MACC1: variants seen among roughly 807,000 people sequenced by gnomAD.
MACC1 encodes the protein MET transcriptional regulator MACC1.
MACC1 carries 79 observed loss-of-function variants against 70.7 expected under a neutral mutation model. The observed-to-expected ratio is 1.12, with a 90% CI of 0.93 to 1.35. MACC1 has a LOEUF of 1.35. Ranked by LOEUF, MACC1 falls within the 40% of genes most tolerant of loss-of-function variation. MACC1 has a pLI of 0.00. For missense variants in MACC1, 1,106 were observed against 978.1 expected (o/e 1.13, Z -1.74); for synonymous variants, 361 against 347.2 (o/e 1.04, Z -0.44).
In MACC1 at chr7:20,158,726, A is replaced by G. The variant is rs755367513; in HGVS notation, c.1635T>C (p.Asp545=). 6.3e-5 allele frequency: 102 copies of G among 1,613,810 alleles called. No homozygotes were observed. The highest frequency in any genetic ancestry group is 8.2e-5 in the Non-Finnish European group (97 of 1,180,002). The change falls in exon 5 of 7, where the codon GAT becomes GAC. Residue 545 remains aspartate (D), a synonymous_variant. Coordinates refer to ENST00000400331, the MANE Select transcript of MACC1 (RefSeq NM_182762.4). The part of the protein sequence containing the change: ...KILVKYPTFQ[D]KTLNFSNYGV... The stretch of plus-strand genomic sequence containing the variant: ...CATAGTTGCTAAAGTTCAATGTTTT[A>G]TCTTGAAATGTAGGATATTTAACAA...
chr7:20,198,529 C>G (rs1311728418), intron 1 of MACC1: 1 of 152,202 alleles, frequency 6.6e-6, no homozygotes, highest in Non-Finnish European at 1.5e-5. Flanking sequence ...GCTTACCAGA[C>G]AAGTAAACAT....
chr7:20,151,578 G>A (rs1260500161), intron 6 of MACC1, among the ~76,000 whole-genome samples: 3 of 152,162 alleles, frequency 2.0e-5, no homozygotes, highest in Non-Finnish European at 2.9e-5. Context: ...AATTTAACTT[G>A]AGGAGATGGT....
At chr7:20,167,608 C>T (rs1166910618) in intron 2 of MACC1, among the ~76,000 whole-genome samples, 1 of 151,092 alleles carries the variant, frequency 6.6e-6, no homozygotes, top group Non-Finnish European at 1.5e-5. Context: ...ATACTAGATA[C>T]TAGCAAACAC....
intron 1 of MACC1, among the ~76,000 whole-genome samples, chr7:20,204,848 A>G (rs1267328827): frequency 6.6e-6 from 1 of 152,206 alleles, no homozygotes; most frequent in African/African-American, 2.4e-5. Context: ...TAATACTTGT[A>G]CTGCTTTTTC....
chr7:20,197,805 C>T (rs1171373204), intron 1 of MACC1, among the ~76,000 whole-genome samples: 1 of 152,194 alleles, frequency 6.6e-6, no homozygotes, highest in Non-Finnish European at 1.5e-5. Flanking sequence ...AAGTTTCAAT[C>T]ACGTATTTAT....
chr7:20,195,458 T>C (rs1261477985), intron 1 of MACC1, among the ~76,000 whole-genome samples: 1 of 152,216 alleles, frequency 6.6e-6, no homozygotes, highest in African/African-American at 2.4e-5. Flanking sequence ...AAGTAACATA[T>C]GTATTCAACA....
chr7:20,144,374 T>C (rs1331938148), intron 6 of MACC1, among the ~76,000 whole-genome samples: 1 of 152,090 alleles, frequency 6.6e-6, no homozygotes, highest in East Asian at 1.9e-4. Context: ...TGAGAAAAAA[T>C]GATTGTTGTA....
rs1782118496 is a variant in MACC1 at position 20,159,993 on chromosome 7, T to C, written c.368A>G (p.His123Arg). ...TGAGGAAGTCTGCCTAAGTAACTGA[T>C]GCACATCAAGTTCATCACCGGAGGA... ...FDSSGDELDV[H>R]QLLRQTSSRN... is the part of the protein sequence containing the mutation. Residue 123 changes from histidine to arginine, a missense_variant, in exon 5 of 7, where the codon CAT becomes CGT. His to Arg is a conservative substitution (Grantham distance 29). Coordinates refer to ENST00000400331, the MANE Select transcript of MACC1 (RefSeq NM_182762.4). The C allele has an allele frequency of 1.2e-6, 2 of 1,614,038 alleles. No homozygotes were observed. Among genetic ancestry groups the C allele is most frequent in the African/African-American group, 2.7e-5 (2 of 75,048 alleles).
intron 1 of MACC1, among the ~76,000 whole-genome samples, chr7:20,175,567 T>C (rs1472520954): frequency 6.6e-6 from 1 of 152,132 alleles, no homozygotes; most frequent in Non-Finnish European, 1.5e-5. Context: ...ATTGCATATA[T>C]GCATATATGT....
chr7:20,184,808 G>A (rs3114471), intron 1 of MACC1, among the ~76,000 whole-genome samples: 95,744 of 151,674 alleles, frequency 0.63, 31,709 homozygotes, highest in East Asian at 0.89. Context: ...AAGAAATGAT[G>A]TAACTTTTCC....
At chr7:20,211,746 G>A (rs1053943368) in intron 1 of MACC1, among the ~76,000 whole-genome samples, 1 of 152,158 alleles carries the variant, frequency 6.6e-6, no homozygotes, top group African/African-American at 2.4e-5. Flanking sequence ...CCACGGTTCA[G>A]CAAATCAGTT....
Position 20,158,794 on chromosome 7 carries a change from T to C in MACC1, c.1567A>G (p.Lys523Glu). The C allele has an allele frequency of 6.2e-7, 1 of 1,614,152 alleles. No individual in the cohort carries two copies. The highest frequency in any genetic ancestry group is 1.7e-5 in the Admixed American group (1 of 60,008). The change falls in exon 5 of 7, where the codon AAG (lysine) becomes GAG (glutamate). Residue 523 changes from lysine (K) to glutamate (E), a missense_variant. Lys to Glu is a moderately conservative substitution (Grantham distance 56). Coordinates refer to ENST00000400331, the MANE Select transcript of MACC1 (RefSeq NM_182762.4). ...GGAGCAGACTTGATTTCCTCCTTCT[T>C]CTGCAAATAGCCTGGCAGATTCGAG... ...RLSNLPGYLQ[K>E]KEEIKSAPLS...
At chr7:20,173,630 C>T (rs1358912725) in intron 1 of MACC1, among the ~76,000 whole-genome samples, 3 of 152,176 alleles carry the variant, frequency 2.0e-5, no homozygotes, top group African/African-American at 4.8e-5. Context: ...GCGACCTCAG[C>T]CACTCATAAA....
At chr7:20,143,861 C>A (rs1268709537) in intron 6 of MACC1, among the ~76,000 whole-genome samples, 1 of 152,108 alleles carries the variant, frequency 6.6e-6, no homozygotes, top group African/African-American at 2.4e-5. Flanking sequence ...TTGCCCTAAA[C>A]CGATTTGAGA....
chr7:20,193,081 C>T (rs185633571), intron 1 of MACC1, among the ~76,000 whole-genome samples: 1 of 152,230 alleles, frequency 6.6e-6, no homozygotes, highest in Non-Finnish European at 1.5e-5. Context: ...AATCTGTCCC[C>T]AGAAGGTATA....
chr7:20,215,774 C>A (rs1297014509), intron 1 of MACC1, among the ~76,000 whole-genome samples: 1 of 152,184 alleles, frequency 6.6e-6, no homozygotes. Context: ...TTTTGTCCTC[C>A]AAATCAGCCA....
chr7:20,158,890 G>A lies in MACC1; in HGVS notation c.1471C>T (p.Pro491Ser). The stretch of plus-strand genomic sequence containing the variant: ...TGTGCAACTGGTTCACCATTGGGAG[G>A]CTCCACTTGAACACAAAAATCAAAC... Reference protein sequence around the residue: ...HLFDFCVQVEPPNGEPVAQFS... With the variant: ...HLFDFCVQVESPNGEPVAQFS... The change falls in exon 5 of 7, where the codon CCT becomes TCT. Residue 491 changes from proline (P) to serine (S), a missense_variant. By Grantham distance (74) the Pro-to-Ser change is moderately conservative. Transcript: ENST00000400331. The A allele has an allele frequency of 6.2e-7, 1 of 1,613,974 alleles. No homozygotes were observed. Among genetic ancestry groups the A allele is most frequent in the Non-Finnish European group, 8.5e-7 (1 of 1,179,992 alleles).
rs183644556 is a variant in MACC1, at chr7:20,168,912, T to C, written c.-153+1802A>G. On this transcript the variant is annotated intron_variant, in intron 2 of 6. Coordinates refer to ENST00000400331, the MANE Select transcript of MACC1 (RefSeq NM_182762.4). The stretch of plus-strand genomic sequence containing the variant: ...CCCAAACAATTCACTAAGTTAAAGA[T>C]AGGAGTCACGTTCTCTTGTGAAAAT... 7.9e-5 allele frequency among the ~76,000 whole-genome samples: 12 copies of C among 152,326 alleles called. No homozygotes were observed. The East Asian group carries it at 2.1e-3, about 27-fold the overall frequency.
At chr7:20,178,402 G>C (rs187790676) in intron 1 of MACC1, among the ~76,000 whole-genome samples, 1 of 152,154 alleles carries the variant, frequency 6.6e-6, no homozygotes, top group African/African-American at 2.4e-5. Context: ...AAGGTTTACA[G>C]TTGTATACCT....
Sources: gnomAD v4.1 joint callset for allele counts (sites outside exome capture counted in the v4.1 genomes callset) on GRCh38, gnomAD v4.1.1 for gene constraint, MANE v1.5 for transcripts, NCBI Gene and HGNC (gene_info 2026-07-23, HGNC 2026-07-21) for gene names.